The following SASH1 variants were observed in gnomAD, a reference collection of about 807,000 sequenced individuals.
SASH1 encodes the protein SAM and SH3 domain-containing protein 1.
In SASH1, 44 loss-of-function variants were observed where a neutral mutation model predicts 125.2. The ratio of observed to expected loss-of-function variants is 0.35; its 90% CI spans 0.28 to 0.45. The LOEUF (loss-of-function observed/expected upper bound fraction) is 0.45. Among genes scored for constraint, SASH1 ranks in the 20% least tolerant of loss-of-function variants. The pLI is 1.00. For synonymous variants in SASH1, 639 were observed against 649.1 expected, an observed-to-expected ratio of 0.98 and a Z score of 0.24; for missense variants, 1,426 against 1,614.5, an observed-to-expected ratio of 0.88 and a Z score of 2.00.
chr6:148,291,028 T>C (rs1237989241), intron 1 of SASH1, among the ~76,000 whole-genome samples: 2 of 151,738 alleles, frequency 1.3e-5, no homozygotes, highest in African/African-American at 4.8e-5. Context: ...TGAGAAAATA[T>C]TGCTCTGTTG....
At chr6:148,402,951 C>G (rs1380284758) in intron 2 of SASH1, among the ~76,000 whole-genome samples, 2 of 151,992 alleles carry the variant, frequency 1.3e-5, no homozygotes, top group Non-Finnish European at 2.9e-5. Context: ...TGACATAGTT[C>G]CTGGGTACAT....
chr6:148,539,010 G>A (rs1377806307), intron 16 of SASH1, among the ~76,000 whole-genome samples: 2 of 151,936 alleles, frequency 1.3e-5, no homozygotes, highest in Non-Finnish European at 2.9e-5. Flanking sequence ...GCCGGGTGAT[G>A]CTGCTAGGGT....
intron 1 of SASH1, chr6:148,283,538 G>C (rs1265830277): frequency 6.6e-6 from 1 of 152,338 alleles, no homozygotes; most frequent in Admixed American, 6.5e-5. Flanking sequence ...TTGGGAGGCA[G>C]AGGAGGATGG....
chr6:148,196,288 C>T, the SASH1 span, among the ~76,000 whole-genome samples: 1 of 152,240 alleles, frequency 6.6e-6, no homozygotes, highest in African/African-American at 2.4e-5. Context: ...AGAAGCTTGC[C>T]TCCAAGTGCA....
chr6:148,477,994 G>A lies in SASH1; in HGVS notation c.627+3772G>A, dbSNP rs531065696. On this transcript the variant is annotated intron_variant, in intron 7 of 19. Transcript: ENST00000367467. Reference sequence around the variant, plus strand: ...TTACGGGCATGAGTCACTGTGCCTGGCCTAAAATGGCTTTTATCCAAAAGA... The same window carrying A: ...TTACGGGCATGAGTCACTGTGCCTGACCTAAAATGGCTTTTATCCAAAAGA... Among the ~76,000 whole-genome samples the A allele has an allele frequency of 6.6e-5, 10 of 152,198 alleles. 1 individual carries two copies. In the South Asian group the frequency reaches 1.9e-3, roughly 28 times the overall value.
At chr6:148,474,730 C>T in intron 7 of SASH1, among the ~76,000 whole-genome samples, 1 of 152,088 alleles carries the variant, frequency 6.6e-6, no homozygotes, top group Non-Finnish European at 1.5e-5. Context: ...TGACACCACA[C>T]CTACCTAGTT....
chr6:148,195,971 A>G, the SASH1 span, among the ~76,000 whole-genome samples: 1 of 150,962 alleles, frequency 6.6e-6, no homozygotes. Context: ...ATTGTGAGAC[A>G]TAGAGATTTA....
rs34513109 is a variant in SASH1, at chr6:148,302,341, A to AAAAAAAAAAAT, written n.74+29964_74+29965insAAAAAAAAAAT. 9.0e-3 allele frequency among the ~76,000 whole-genome samples: 941 copies of AAAAAAAAAAAT among 104,428 alleles called. 202 individuals are homozygous for AAAAAAAAAAAT. The highest frequency in any genetic ancestry group is 0.014 in the Non-Finnish European group (746 of 53,228). The allele number at this position is 104,428 out of a possible 152,430, so 68.5% of individuals were successfully genotyped here. ...AAAAAAAAAAAAAAAAAAAAAAAAA[A>AAAAAAAAAAAT]CTAGTAATATTATGACCTTGGTTAA... On this transcript the variant is annotated intron_variant and non_coding_transcript_variant, in intron 1 of 3. Transcript: ENST00000367469.
intron 2 of SASH1, among the ~76,000 whole-genome samples, chr6:148,408,348 C>A (rs1472798186): frequency 6.6e-6 from 1 of 151,700 alleles, no homozygotes; most frequent in Non-Finnish European, 1.5e-5. Flanking sequence ...CCTTGTGATC[C>A]GCCCGCCTCA....
chr6:148,346,898 A>T (rs1781539762), intron 1 of SASH1, among the ~76,000 whole-genome samples: 1 of 152,216 alleles, frequency 6.6e-6, no homozygotes, highest in Non-Finnish European at 1.5e-5. Flanking sequence ...GACATGTGGT[A>T]GGCCAGGGTT....
In SASH1 at chr6:148,533,614, C is replaced by T. The variant is rs1175799352; in HGVS notation, c.1735-157C>T. Reference sequence around the variant, plus strand: ...CTGGCCTCTGCGGAGCTCACAGTCACATCCTATGCAGGTCACTCAGAGGGG... The same window carrying T: ...CTGGCCTCTGCGGAGCTCACAGTCATATCCTATGCAGGTCACTCAGAGGGG... On this transcript the variant is annotated intron_variant, in intron 14 of 19. Coordinates refer to ENST00000367467, the MANE Select transcript of SASH1 (RefSeq NM_015278.5). The surrounding 1 kb of genome is among the most constrained non-coding windows in gnomAD (Gnocchi z 6.2). Among the ~76,000 whole-genome samples the T allele has an allele frequency of 1.2e-4, 18 of 152,180 alleles. No homozygotes were observed. Among genetic ancestry groups the T allele is most frequent in the Non-Finnish European group, 2.1e-4 (14 of 68,016 alleles).
chr6:148,351,191 GTTTT>G (rs67285564), intron 1 of SASH1, among the ~76,000 whole-genome samples: 24,060 of 102,224 alleles, frequency 0.24, 2,053 homozygotes, highest in South Asian at 0.37. Context: ...TGCGATAGTA[GTTTT>G]TTTTTTTTTT....
chr6:148,431,086 G>A (rs1776040955), intron 2 of SASH1, among the ~76,000 whole-genome samples: 1 of 152,218 alleles, frequency 6.6e-6, no homozygotes, highest in Admixed American at 6.5e-5. Flanking sequence ...TAGCTGTGAG[G>A]CGAAGGACTA....
At chr6:148,429,412 A>AAAAG (rs1775969884) in intron 2 of SASH1, among the ~76,000 whole-genome samples, 1 of 118,774 alleles carries the variant, frequency 8.4e-6, no homozygotes, top group Non-Finnish European at 1.8e-5. Context: ...AAAAAAAAAA[A>AAAAG]GAGGAAGGAA....
chr6:148,277,074 T>C (rs1314335447), intron 1 of SASH1, among the ~76,000 whole-genome samples: 1 of 152,220 alleles, frequency 6.6e-6, no homozygotes, highest in Admixed American at 6.5e-5. Context: ...CCTATTTTAC[T>C]GATAAAGAAA....
chr6:148,224,038 A>G, the SASH1 span, among the ~76,000 whole-genome samples: 1 of 152,242 alleles, frequency 6.6e-6, no homozygotes, highest in African/African-American at 2.4e-5. Flanking sequence ...TTATGCCTGT[A>G]ATCCCAACAT....
chr6:148,204,397 A>G, the SASH1 span, among the ~76,000 whole-genome samples: 11 of 152,322 alleles, frequency 7.2e-5, no homozygotes, highest in African/African-American at 2.4e-4. Flanking sequence ...GGTTTTTGAA[A>G]GATAAAATTC....
intron 1 of SASH1, among the ~76,000 whole-genome samples, chr6:148,365,412 C>CTTT (rs11380415): frequency 6.9e-6 from 1 of 144,414 alleles, no homozygotes; most frequent in Non-Finnish European, 1.5e-5. Context: ...CTTTTACTAT[C>CTTT]TTTTTTTTTT....
At chr6:148,330,079 A>C (rs1280343881) in intron 1 of SASH1, among the ~76,000 whole-genome samples, 2 of 152,218 alleles carry the variant, frequency 1.3e-5, no homozygotes, top group Non-Finnish European at 2.9e-5. Context: ...AAAAATGAGT[A>C]GTAAAAAAGG....
Sources: gnomAD v4.1 joint callset for allele counts (sites outside exome capture counted in the v4.1 genomes callset) on GRCh38, gnomAD v4.1.1 for gene constraint, Gnocchi (gnomAD v3.1) non-coding constraint, MANE v1.5 for transcripts, NCBI Gene and HGNC (gene_info 2026-07-23, HGNC 2026-07-21) for gene names.